Variants in FMN2 observed in about 807,000 individuals in gnomAD.
FMN2 encodes the protein formin-2.
FMN2 carries 51 observed loss-of-function variants against 142.3 expected under a neutral mutation model. The observed-to-expected ratio is 0.36, with a 90% confidence interval of 0.29 to 0.45. The LOEUF (loss-of-function observed/expected upper bound fraction) is 0.45. FMN2 is among the 20% of genes least tolerant of loss of function. The pLI, the probability that FMN2 is intolerant of heterozygous loss-of-function variation, is 1.00. For synonymous variants in FMN2, 882 were observed against 869.8 expected (o/e 1.01, Z -0.25); for missense variants, 1,936 against 2,122.8 (o/e 0.91, Z 1.73).
At chr1:240,317,267 TATC>T (rs1308032122) in intron 8 of FMN2, among the ~76,000 whole-genome samples, 2 of 151,400 alleles carry the variant, frequency 1.3e-5, no homozygotes, top group Non-Finnish European at 1.5e-5. Flanking sequence ...AGTGAGCCGA[TATC>T]ATGCCACTGC....
At chr1:240,416,229 A>G (rs1674570553) in intron 15 of FMN2, among the ~76,000 whole-genome samples, 1 of 151,374 alleles carries the variant, frequency 6.6e-6, no homozygotes, top group African/African-American at 2.4e-5. Flanking sequence ...AGAAACAAAA[A>G]GCAATTCCTT....
At position 240,092,934 on chromosome 1, in the gene FMN2, G is replaced by T. The variant is rs1351393920; in HGVS notation, c.825G>T (p.Ala275=). Residue 275 remains alanine (A), a synonymous_variant, in exon 1 of 18, where the codon GCG becomes GCT. Transcript: ENST00000319653. ...CGGACACCGAGCAGGCGCTGTCCGC[G>T]CTCTCCGACCTGCCCGAGAGCCTGG... The part of the protein sequence containing the change: ...GSPDTEQALS[A]LSDLPESLAA... 2 of 1,464,756 alleles carry T rather than the reference G, an allele frequency of 1.4e-6. No homozygotes were observed. Among genetic ancestry groups the T allele is most frequent in the East Asian group, 5.2e-5 (2 of 38,502 alleles). The allele number at this position is 1,464,756 out of a possible 1,614,324, so 90.7% of individuals were successfully genotyped here.
In FMN2 at chr1:240,255,525, TAAG is replaced by T. The variant is rs1175939592; in HGVS notation, c.4066-2419_4066-2417del. ...TAGAACTAAATGCTGAAAATAGAGT[TAAG>T]GAGGAGGGGTGGTTTCCGCAAATAC... On this transcript the variant is annotated intron_variant, in intron 6 of 17. Transcript: ENST00000319653. Among the ~76,000 whole-genome samples the T allele has an allele frequency of 5.3e-5, 8 of 152,180 alleles. No homozygotes were observed. In the East Asian group the frequency reaches 1.4e-3, roughly 26 times the overall value.
intron 6 of FMN2, among the ~76,000 whole-genome samples, chr1:240,245,956 G>A (rs937773175): frequency 6.6e-6 from 1 of 151,360 alleles, no homozygotes; most frequent in Non-Finnish European, 1.5e-5. Context: ...CGTGGCGGGC[G>A]GATCACGAGG....
intron 6 of FMN2, among the ~76,000 whole-genome samples, chr1:240,223,316 G>A (rs965429342): frequency 6.6e-6 from 1 of 152,282 alleles, no homozygotes; most frequent in Non-Finnish European, 1.5e-5. Context: ...AACCAGCCTT[G>A]CATCCCAGGG....
At chr1:240,445,477 C>G (rs576110763) in intron 16 of FMN2, among the ~76,000 whole-genome samples, 1 of 152,176 alleles carries the variant, frequency 6.6e-6, no homozygotes, top group African/African-American at 2.4e-5. Context: ...GGGAACAGCC[C>G]CATGAAGGGG....
At chr1:240,317,030 G>A (rs913185120) in intron 8 of FMN2, among the ~76,000 whole-genome samples, 1 of 152,138 alleles carries the variant, frequency 6.6e-6, no homozygotes, top group African/African-American at 2.4e-5. Flanking sequence ...AAAACAGGAC[G>A]AGTGGGTGGC....
chr1:240,349,199 A>G (rs1672013874), intron 13 of FMN2, among the ~76,000 whole-genome samples: 1 of 152,218 alleles, frequency 6.6e-6, no homozygotes, highest in African/African-American at 2.4e-5. Context: ...CTTGCTGCCT[A>G]CATTGATCTG....
intron 14 of FMN2, among the ~76,000 whole-genome samples, chr1:240,359,955 T>G (rs1672405482): frequency 6.6e-6 from 1 of 152,254 alleles, no homozygotes. Flanking sequence ...ATACACTGTC[T>G]TGCTCACCAG....
intron 7 of FMN2, among the ~76,000 whole-genome samples, chr1:240,290,264 A>G (rs1669734044): frequency 6.6e-6 from 1 of 152,200 alleles, no homozygotes; most frequent in African/African-American, 2.4e-5. Context: ...GACTTCCAAA[A>G]CAGGCCATTT....
intron 15 of FMN2, among the ~76,000 whole-genome samples, chr1:240,413,340 A>T (rs1354950692): frequency 6.6e-6 from 1 of 151,608 alleles, no homozygotes; most frequent in Non-Finnish European, 1.5e-5. Flanking sequence ...AAGGAGTTAT[A>T]TACTTATCGG....
intron 7 of FMN2, among the ~76,000 whole-genome samples, chr1:240,279,622 C>A (rs1179304898): frequency 6.6e-6 from 1 of 152,150 alleles, no homozygotes; most frequent in Non-Finnish European, 1.5e-5. Context: ...AGAGGCCTTT[C>A]TATCTTATAT....
At chr1:240,181,246 C>T (rs1385032997) in intron 3 of FMN2, among the ~76,000 whole-genome samples, 3 of 150,432 alleles carry the variant, frequency 2.0e-5, no homozygotes, top group Non-Finnish European at 4.4e-5. Context: ...TCAGGTGATC[C>T]ACTCCCCTCG....
intron 8 of FMN2, among the ~76,000 whole-genome samples, chr1:240,301,529 G>A (rs917424951): frequency 6.6e-6 from 1 of 151,602 alleles, no homozygotes; most frequent in Non-Finnish European, 1.5e-5. Flanking sequence ...TATCTGTAGT[G>A]TATTTTGAAA....
chr1:240,163,613 C>T (rs536148528), intron 2 of FMN2, among the ~76,000 whole-genome samples: 44 of 151,980 alleles, frequency 2.9e-4, no homozygotes, highest in African/African-American at 8.4e-4. Context: ...CAATAAAGAG[C>T]GTAGGTTTGG....
intron 4 of FMN2, 118 bp from the exon 5 acceptor site, chr1:240,206,681 C>A: frequency 8.2e-7 from 1 of 1,219,320 alleles, no homozygotes; most frequent in Non-Finnish European, 1.1e-6. Context: ...TACCATCTTT[C>A]TGTCAAGGAG....
chr1:240,279,699 A>G (rs1456224955), intron 7 of FMN2, among the ~76,000 whole-genome samples: 1 of 152,170 alleles, frequency 6.6e-6, no homozygotes, highest in Non-Finnish European at 1.5e-5. Flanking sequence ...ATAAATCCTA[A>G]TATTTGAAAC....
chr1:240,389,345 A>G (rs569717185), intron 14 of FMN2, among the ~76,000 whole-genome samples: 77 of 152,348 alleles, frequency 5.1e-4, no homozygotes, highest in African/African-American at 1.8e-3. Context: ...AAGTTGTTGC[A>G]AATAGAAAAT....
intron 2 of FMN2, among the ~76,000 whole-genome samples, chr1:240,166,200 G>A (rs538021303): frequency 2.0e-5 from 3 of 149,424 alleles, no homozygotes; most frequent in East Asian, 2.0e-4. Context: ...ATAATTATAC[G>A]TTATGTAGCC....
Sources: gnomAD v4.1 joint callset for allele counts (sites outside exome capture counted in the v4.1 genomes callset) on GRCh38, gnomAD v4.1.1 for gene constraint, MANE v1.5 for transcripts, NCBI Gene and HGNC (gene_info 2026-07-23, HGNC 2026-07-21) for gene names.